KPNA3: variants seen among roughly 807,000 people sequenced by gnomAD.
KPNA3 encodes importin subunit alpha-4.
Under a neutral mutation model 73.8 loss-of-function variants are expected in KPNA3, and 13 were observed. The observed-to-expected ratio is 0.18, with a 90% CI of 0.11 to 0.28. KPNA3 has a LOEUF of 0.28. Ranked by LOEUF, KPNA3 falls within the 10% of genes least tolerant of loss-of-function variation. The probability of loss-of-function intolerance (pLI) is 1.00; values close to 1 mark genes in which losing one functional copy is unlikely to be tolerated. For missense variants in KPNA3, 360 were observed against 618.1 expected (o/e 0.58, Z 4.43); for synonymous variants, 186 against 206.9 (o/e 0.90, Z 0.87).
chr13:49,772,011 T>C (rs1954859788), intron 1 of KPNA3, among the ~76,000 whole-genome samples: 1 of 152,252 alleles, frequency 6.6e-6, no homozygotes, highest in South Asian at 2.1e-4. Context: ...CAATTGATTT[T>C]GTATACTGAT....
chr13:49,768,567 A>ATTTTT (rs67753113), intron 1 of KPNA3, among the ~76,000 whole-genome samples: 2 of 64,894 alleles, frequency 3.1e-5, no homozygotes, highest in Non-Finnish European at 5.7e-5. Flanking sequence ...GGGTTAATCA[A>ATTTTT]TTTTTTTTTT....
chr13:49,721,819 T>TCAAA (rs886583632), intron 9 of KPNA3, 136 bp downstream of exon 9: 20 of 557,510 alleles, frequency 3.6e-5, no homozygotes, highest in African/African-American at 1.5e-4. Flanking sequence ...GACTCCGTTA[T>TCAAA]CAAACAAACA....
chr13:49,706,439 A>G, intron 12 of KPNA3, 67 bp from the exon 13 acceptor site: 2 of 1,068,432 alleles, frequency 1.9e-6, no homozygotes, highest in Non-Finnish European at 2.8e-6. Flanking sequence ...TTTCTAATAT[A>G]TTTTATATAG....
At chr13:49,724,763 A>G (rs1449348267) in intron 7 of KPNA3, among the ~76,000 whole-genome samples, 1 of 152,072 alleles carries the variant, frequency 6.6e-6, no homozygotes, top group East Asian at 1.9e-4. Context: ...TGCAATGCTA[A>G]TTTTTAAATA....
At chr13:49,766,954 CT>C (rs11348363) in intron 1 of KPNA3, among the ~76,000 whole-genome samples, 38,235 of 132,334 alleles carry the variant, frequency 0.29, 5,424 homozygotes, top group Middle Eastern at 0.37. Flanking sequence ...AATGGGATTC[CT>C]TTTTTTTTTT....
intron 2 of KPNA3, among the ~76,000 whole-genome samples, chr13:49,740,291 T>C (rs911471235): frequency 1.3e-5 from 2 of 152,082 alleles, no homozygotes; most frequent in African/African-American, 4.8e-5. Context: ...TTACATTTCA[T>C]TTTTGTGTGT....
chr13:49,702,893 G>A (rs993855524), intron 15 of KPNA3, among the ~76,000 whole-genome samples: 2 of 151,778 alleles, frequency 1.3e-5, no homozygotes, highest in South Asian at 2.1e-4. Flanking sequence ...ACGGAGTCTC[G>A]CTCTGTCACC....
At chr13:49,727,689 C>A (rs1328253638) in intron 6 of KPNA3, among the ~76,000 whole-genome samples, 1 of 151,940 alleles carries the variant, frequency 6.6e-6, no homozygotes, top group African/African-American at 2.4e-5. Context: ...AAAATAAACT[C>A]ATACTAACTT....
At chr13:49,710,606 T>C (rs1252015068) in intron 11 of KPNA3, among the ~76,000 whole-genome samples, 1 of 152,192 alleles carries the variant, frequency 6.6e-6, no homozygotes, top group African/African-American at 2.4e-5. Flanking sequence ...AGCAGGTTTG[T>C]GGGAGATGAT....
intron 15 of KPNA3, among the ~76,000 whole-genome samples, chr13:49,702,714 A>C (rs1954159141): frequency 6.6e-6 from 1 of 152,160 alleles, no homozygotes; most frequent in Non-Finnish European, 1.5e-5. Flanking sequence ...CGGATCCCTG[A>C]GGCAGACAGT....
At position 49,792,520 on chromosome 13, in the gene KPNA3, T is replaced by G. The variant is rs754028944; in HGVS notation, c.-14A>C. The G allele has an allele frequency of 6.5e-7, 1 of 1,531,654 alleles. No homozygotes were observed. Among genetic ancestry groups the G allele is most frequent in the African/African-American group, 1.5e-5 (1 of 66,810 alleles). The allele number at this position is 1,531,654 out of a possible 1,614,324, so 94.9% of individuals were successfully genotyped here. On this transcript the variant is annotated 5_prime_UTR_variant, in exon 1 of 17. Coordinates refer to ENST00000261667, the MANE Select transcript of KPNA3 (RefSeq NM_002267.4). ...GTTCTCGGCCATGGCTGCGCGCGGC[T>G]CCGGCGGCGGCTACTCCTGCGGCTG...
At chr13:49,755,748 G>A (rs1954705675) in intron 1 of KPNA3, among the ~76,000 whole-genome samples, 1 of 152,070 alleles carries the variant, frequency 6.6e-6, no homozygotes, top group Non-Finnish European at 1.5e-5. Flanking sequence ...CCGAGATCGT[G>A]CCACTGCACT....
Position 49,724,354 on chromosome 13 carries a change from A to T in KPNA3, c.469+1062T>A, listed in dbSNP as rs556059460. Among the ~76,000 whole-genome samples, 3 of 150,494 alleles carry T rather than the reference A, an allele frequency of 2.0e-5. No individual in the cohort carries two copies. The East Asian group carries it at 5.9e-4, about 29-fold the overall frequency. ...AGTCTCGCTTTGTCACCCAGGCTGG[A>T]GTGCAGCGGCACGATCTCGGCTCAC... On this transcript the variant is annotated intron_variant, in intron 7 of 16. Transcript: ENST00000261667.
intron 10 of KPNA3, 61 bp downstream of exon 10, chr13:49,719,714 T>C (rs1423233294): frequency 3.5e-6 from 4 of 1,140,204 alleles, no homozygotes; most frequent in Non-Finnish European, 5.3e-6. Context: ...GACACTTACA[T>C]AAAAACCCTT....
At chr13:49,766,969 T>C (rs79068999) in intron 1 of KPNA3, among the ~76,000 whole-genome samples, 4 of 147,396 alleles carry the variant, frequency 2.7e-5, no homozygotes, top group South Asian at 4.3e-4. Context: ...TTTTTTTTTT[T>C]CCTCTTCACA....
At chr13:49,713,674 C>T (rs9562916) in intron 10 of KPNA3, among the ~76,000 whole-genome samples, 6 of 142,006 alleles carry the variant, frequency 4.2e-5, no homozygotes, top group South Asian at 4.5e-4. Context: ...CACACACACA[C>T]AAAACAGAAA....
rs778353042 is a variant in KPNA3 at position 49,701,520 on chromosome 13, T to C, written c.*280A>G. Reference sequence around the variant, plus strand: ...ATTTATTCTAAACTGGAGACTGCAGTTGTCAGCCTGTGGCACCAGGGAACA... The same window carrying C: ...ATTTATTCTAAACTGGAGACTGCAGCTGTCAGCCTGTGGCACCAGGGAACA... On this transcript the variant is annotated 3_prime_UTR_variant, in exon 17 of 17. Coordinates refer to ENST00000261667, the MANE Select transcript of KPNA3 (RefSeq NM_002267.4). 1.1e-5 allele frequency: 6 copies of C among 530,594 alleles called. No individual in the cohort carries two copies. Among genetic ancestry groups the C allele is most frequent in the Admixed American group, 2.3e-5 (1 of 44,440 alleles). The allele number at this position is 530,594 out of a possible 1,614,324, so 32.9% of individuals were successfully genotyped here.
At chr13:49,771,481 G>A (rs1954855000) in intron 1 of KPNA3, among the ~76,000 whole-genome samples, 1 of 152,036 alleles carries the variant, frequency 6.6e-6, no homozygotes, top group Admixed American at 6.6e-5. Flanking sequence ...TTAAGACGGG[G>A]TCTCACTCTG....
At chr13:49,721,646 C>T (rs1416554543) in intron 9 of KPNA3, among the ~76,000 whole-genome samples, 1 of 152,026 alleles carries the variant, frequency 6.6e-6, no homozygotes, top group African/African-American at 2.4e-5. Flanking sequence ...GGTGAAACCC[C>T]GTCTGTACTA....
Sources: allele counts gnomAD v4.1 joint callset (sites outside exome capture counted in the v4.1 genomes callset), GRCh38; gene constraint gnomAD v4.1.1; transcripts MANE v1.5; gene names NCBI Gene and HGNC (gene_info 2026-07-23, HGNC 2026-07-21).